The following ARHGAP24 variants were observed in gnomAD, a reference collection of about 807,000 sequenced individuals.
ARHGAP24 encodes the protein rho GTPase-activating protein 24.
ARHGAP24 carries 50 observed loss-of-function variants against 76.4 expected under a neutral mutation model. The ratio of observed to expected loss-of-function variants is 0.65; its 90% CI spans 0.52 to 0.83. The LOEUF (loss-of-function observed/expected upper bound fraction) is 0.83. Among genes scored for constraint, ARHGAP24 ranks in the 40% least tolerant of loss-of-function variants. The pLI is 0.00. For synonymous variants in ARHGAP24, 345 were observed against 323.3 expected (o/e 1.07, Z -0.72); for missense variants, 930 against 914.2 (o/e 1.02, Z -0.22).
chr4:85,770,664 A>G (rs1042661791), intron 3 of ARHGAP24, among the ~76,000 whole-genome samples: 2 of 152,220 alleles, frequency 1.3e-5, no homozygotes, highest in South Asian at 4.1e-4. Flanking sequence ...AAATCCCCTT[A>G]TTTTATATAG....
At chr4:85,941,005 A>G (rs1195011296) in intron 4 of ARHGAP24, among the ~76,000 whole-genome samples, 1 of 152,168 alleles carries the variant, frequency 6.6e-6, no homozygotes, top group African/African-American at 2.4e-5. Context: ...CTGTTAAATA[A>G]TTCCCCACAC....
At chr4:85,616,554 T>TTG (rs201133798) in intron 2 of ARHGAP24, among the ~76,000 whole-genome samples, 3 of 151,972 alleles carry the variant, frequency 2.0e-5, no homozygotes, top group African/African-American at 4.8e-5. Context: ...TTATTTGTAT[T>TTG]TGTGTGTGTG....
At chr4:85,627,181 G>A (rs1720987800) in intron 2 of ARHGAP24, among the ~76,000 whole-genome samples, 2 of 152,120 alleles carry the variant, frequency 1.3e-5, no homozygotes, top group African/African-American at 4.8e-5. Context: ...TTTCTGCTCT[G>A]TTTTTTCCCC....
intron 5 of ARHGAP24, among the ~76,000 whole-genome samples, chr4:85,951,969 T>A (rs1230493858): frequency 7.6e-6 from 1 of 130,996 alleles, no homozygotes; most frequent in Non-Finnish European, 1.7e-5. Flanking sequence ...ATTATTTAAT[T>A]TAATACCATA....
intron 3 of ARHGAP24, among the ~76,000 whole-genome samples, chr4:85,877,175 AT>A (rs1732983910): frequency 6.6e-6 from 1 of 152,098 alleles, no homozygotes. Flanking sequence ...AGTCTTTTGT[AT>A]TCTGTTAGCC....
chr4:85,496,451 C>G (rs1182157055), intron 1 of ARHGAP24, among the ~76,000 whole-genome samples: 1 of 152,244 alleles, frequency 6.6e-6, no homozygotes, highest in Non-Finnish European at 1.5e-5. Flanking sequence ...GTTTACTTTT[C>G]ATAACCAACA....
At chr4:85,833,622 A>G (rs1055835982) in intron 3 of ARHGAP24, among the ~76,000 whole-genome samples, 34 of 152,236 alleles carry the variant, frequency 2.2e-4, no homozygotes, top group Non-Finnish European at 4.1e-4. Flanking sequence ...GCTTTGAAAA[A>G]TTGCAAAGGA....
chr4:85,955,080 T>A (rs902940437), intron 5 of ARHGAP24, among the ~76,000 whole-genome samples: 1 of 152,214 alleles, frequency 6.6e-6, no homozygotes, highest in Admixed American at 6.5e-5. Flanking sequence ...CACATTCTCA[T>A]GGCTTTGCTG....
intron 3 of ARHGAP24, among the ~76,000 whole-genome samples, chr4:85,795,278 T>G (rs1454602125): frequency 1.3e-5 from 2 of 152,228 alleles, no homozygotes; most frequent in African/African-American, 2.4e-5. Flanking sequence ...TCTAATGGCC[T>G]TTTCTTCATC....
chr4:85,740,377 C>A (rs1204712513), intron 3 of ARHGAP24, among the ~76,000 whole-genome samples: 1 of 151,998 alleles, frequency 6.6e-6, no homozygotes, highest in African/African-American at 2.4e-5. Flanking sequence ...TGCCCACCTC[C>A]ATGCCCTGCT....
At chr4:85,489,104 G>A (rs1578181922) in intron 1 of ARHGAP24, among the ~76,000 whole-genome samples, 2 of 152,142 alleles carry the variant, frequency 1.3e-5, no homozygotes, top group African/African-American at 2.4e-5. Context: ...AACCACATCA[G>A]AATTGTACAT....
intron 9 of ARHGAP24, among the ~76,000 whole-genome samples, chr4:85,996,774 T>C (rs1236465864): frequency 2.6e-5 from 4 of 152,198 alleles, no homozygotes; most frequent in African/African-American, 7.2e-5. Flanking sequence ...TACTCTTCTT[T>C]CTGAATGTAG....
intron 2 of ARHGAP24, among the ~76,000 whole-genome samples, chr4:85,659,655 A>T (rs1722306211): frequency 6.6e-6 from 1 of 152,234 alleles, no homozygotes; most frequent in Non-Finnish European, 1.5e-5. Context: ...AACACATTAT[A>T]TAATTAAAGT....
chr4:85,792,329 G>A (rs989724217), intron 3 of ARHGAP24, among the ~76,000 whole-genome samples: 3 of 151,986 alleles, frequency 2.0e-5, no homozygotes, highest in East Asian at 1.9e-4. Context: ...TAAAATCAAG[G>A]CCAAGGAAGA....
intron 1 of ARHGAP24, among the ~76,000 whole-genome samples, chr4:85,512,155 A>G (rs1035644583): frequency 2.0e-5 from 3 of 152,238 alleles, no homozygotes; most frequent in Non-Finnish European, 4.4e-5. Context: ...CCCATGTCCC[A>G]TTCTGAGTTC....
intron 3 of ARHGAP24, among the ~76,000 whole-genome samples, chr4:85,864,519 C>T (rs143169362): frequency 7.9e-5 from 12 of 152,156 alleles, no homozygotes; most frequent in African/African-American, 2.6e-4. Flanking sequence ...CAGAATTACT[C>T]TCCTTTGGTT....
chr4:85,483,292 A>G (rs773207548), intron 1 of ARHGAP24, among the ~76,000 whole-genome samples: 1 of 152,202 alleles, frequency 6.6e-6, no homozygotes, highest in Non-Finnish European at 1.5e-5. Context: ...ATGAAAAAGA[A>G]TAGAATAAGA....
In ARHGAP24 at chr4:85,724,262, C is replaced by T. The variant is rs76234416; in HGVS notation, c.268+2290C>T. Among the ~76,000 whole-genome samples, 1,480 of 152,192 alleles carry T rather than the reference C, an allele frequency of 9.7e-3. 9 individuals are homozygous for T. Among genetic ancestry groups the T allele is most frequent in the Middle Eastern group, 0.017 (5 of 292 alleles). On this transcript the variant is annotated intron_variant, in intron 3 of 9. Coordinates refer to ENST00000395184, the MANE Select transcript of ARHGAP24 (RefSeq NM_001025616.3). ...CAAACCCAACAAGTGTCTATCTTTA[C>T]GGATAGCTAACTCAAGCCTAACTCT...
chr4:85,561,177 T>C (rs747220953), intron 1 of ARHGAP24, among the ~76,000 whole-genome samples: 1 of 152,146 alleles, frequency 6.6e-6, no homozygotes, highest in Non-Finnish European at 1.5e-5. Flanking sequence ...AGGGGAACTT[T>C]CAGAGCGGGG....
Sources: gnomAD v4.1 joint callset for allele counts (sites outside exome capture counted in the v4.1 genomes callset) on GRCh38, gnomAD v4.1.1 for gene constraint, MANE v1.5 for transcripts, NCBI Gene and HGNC (gene_info 2026-07-23, HGNC 2026-07-21) for gene names.